The following RBFOX1 variants were observed in gnomAD, a reference collection of about 807,000 sequenced individuals.
RBFOX1 encodes RNA binding protein fox-1 homolog 1.
RBFOX1 carries 8 observed loss-of-function variants against 57.7 expected under a neutral mutation model. The observed-to-expected ratio is 0.14, with a 90% CI of 0.08 to 0.25. The LOEUF (loss-of-function observed/expected upper bound fraction) is 0.25. Ranked by LOEUF, RBFOX1 falls within the 10% of genes least tolerant of loss-of-function variation. RBFOX1 has a pLI of 1.00. For missense variants in RBFOX1, 611 were observed against 548.5 expected (o/e 1.11, Z -1.14); for synonymous variants, 326 against 222.4 (o/e 1.47, Z -4.15).
chr16:6,945,491 G>A (rs2079325457), intron 3 of RBFOX1, among the ~76,000 whole-genome samples: 1 of 151,856 alleles, frequency 6.6e-6, no homozygotes, highest in Non-Finnish European at 1.5e-5. Context: ...TGTAAAATGG[G>A]AAATCTAATT....
Position 7,173,021 on chromosome 16 carries a change from C to T in RBFOX1, c.27+120923C>T, listed in dbSNP as rs184743135. The stretch of plus-strand genomic sequence containing the variant: ...GAAAAACTACCACGTGTGTATTTTC[C>T]CTAGAATTTCCTGGTAGAAATAAGA... On this transcript the variant is annotated intron_variant, in intron 4 of 15. Coordinates refer to ENST00000550418, the MANE Select transcript of RBFOX1 (RefSeq NM_018723.4). 3.1e-4 allele frequency among the ~76,000 whole-genome samples: 47 copies of T among 152,128 alleles called. 1 individual carries two copies. Among genetic ancestry groups the T allele is most frequent in the African/African-American group, 1.1e-3 (47 of 41,482 alleles).
At chr16:6,158,338 G>A (rs1314008483) in intron 1 of RBFOX1, among the ~76,000 whole-genome samples, 2 of 152,184 alleles carry the variant, frequency 1.3e-5, no homozygotes, top group African/African-American at 4.8e-5. Flanking sequence ...AGGCTGTTTT[G>A]TTCTGTGTCA....
At chr16:7,601,869 T>C (rs1402116199) in intron 9 of RBFOX1, among the ~76,000 whole-genome samples, 1 of 152,128 alleles carries the variant, frequency 6.6e-6, no homozygotes, top group Non-Finnish European at 1.5e-5. Flanking sequence ...TGGCAATAAA[T>C]ACACGCCGTT....
intron 2 of RBFOX1, among the ~76,000 whole-genome samples, chr16:6,405,399 G>A (rs1257322115): frequency 6.6e-6 from 1 of 152,158 alleles, no homozygotes; most frequent in Non-Finnish European, 1.5e-5. Context: ...TGGGCATTGG[G>A]AAGTGCACCA....
At chr16:6,925,772 G>A (rs1474209766) in intron 3 of RBFOX1, among the ~76,000 whole-genome samples, 3 of 151,892 alleles carry the variant, frequency 2.0e-5, no homozygotes, top group Non-Finnish European at 4.4e-5. Flanking sequence ...AATCCCCCAG[G>A]TAGGGATGAT....
intron 4 of RBFOX1, among the ~76,000 whole-genome samples, chr16:7,061,711 C>G (rs934187386): frequency 3.3e-5 from 5 of 152,158 alleles, no homozygotes; most frequent in African/African-American, 4.8e-5. Context: ...ATCATTAAAT[C>G]TGTATCAAAC....
At chr16:7,354,399 C>T (rs1173268582) in intron 4 of RBFOX1, among the ~76,000 whole-genome samples, 1 of 152,162 alleles carries the variant, frequency 6.6e-6, no homozygotes, top group African/African-American at 2.4e-5. Context: ...TTGCTGTATT[C>T]AAGGCCTGTT....
intron 4 of RBFOX1, among the ~76,000 whole-genome samples, chr16:7,186,054 A>G (rs896904237): frequency 6.6e-6 from 1 of 152,150 alleles, no homozygotes; most frequent in Non-Finnish European, 1.5e-5. Context: ...CCTGGGAAAC[A>G]TGAATGCTAC....
At chr16:5,246,222 G>A (rs1460282674) in intron 1 of RBFOX1, among the ~76,000 whole-genome samples, 3 of 152,102 alleles carry the variant, frequency 2.0e-5, no homozygotes, top group Non-Finnish European at 2.9e-5. Context: ...AGCCAGCCTG[G>A]GTGACAGAGC....
intron 1 of RBFOX1, among the ~76,000 whole-genome samples, chr16:5,415,657 C>G (rs1221019825): frequency 6.6e-6 from 1 of 152,214 alleles, no homozygotes; most frequent in Non-Finnish European, 1.5e-5. Context: ...TTTATTTTTA[C>G]TTGAAATGAT....
intron 1 of RBFOX1, among the ~76,000 whole-genome samples, chr16:6,120,782 T>C (rs936431280): frequency 3.3e-5 from 5 of 152,198 alleles, no homozygotes; most frequent in African/African-American, 1.2e-4. Flanking sequence ...GTTTCTCCTC[T>C]TTGTAAGACG....
At chr16:7,364,514 T>C (rs1340789655) in intron 4 of RBFOX1, among the ~76,000 whole-genome samples, 1 of 151,538 alleles carries the variant, frequency 6.6e-6, no homozygotes, top group East Asian at 1.9e-4. Flanking sequence ...TTGGACTATC[T>C]TTGGCAAGGG....
At chr16:6,911,302 C>T (rs555734471) in intron 3 of RBFOX1, among the ~76,000 whole-genome samples, 2 of 151,900 alleles carry the variant, frequency 1.3e-5, no homozygotes, top group Admixed American at 6.5e-5. Context: ...GAGGCTTCGG[C>T]AACAGAAATG....
chr16:6,448,565 C>T (rs2094533010), intron 2 of RBFOX1, among the ~76,000 whole-genome samples: 1 of 152,116 alleles, frequency 6.6e-6, no homozygotes, highest in South Asian at 2.1e-4. Context: ...CTAGACTTTA[C>T]CTGCCCATAG....
intron 4 of RBFOX1, among the ~76,000 whole-genome samples, chr16:7,429,396 C>G (rs1568858489): frequency 2.6e-5 from 4 of 152,354 alleles, no homozygotes; most frequent in Non-Finnish European, 4.4e-5. Context: ...CTCTGAGAAG[C>G]CTTCCCTGGC....
chr16:6,009,375 C>T (rs1264214409), intron 4 of RBFOX1, among the ~76,000 whole-genome samples: 4 of 152,158 alleles, frequency 2.6e-5, no homozygotes, highest in Admixed American at 2.0e-4. Flanking sequence ...GGCTTGACTG[C>T]CTCCAGTTGC....
At chr16:6,889,859 G>C (rs1404769942) in intron 3 of RBFOX1, among the ~76,000 whole-genome samples, 1 of 152,196 alleles carries the variant, frequency 6.6e-6, no homozygotes, top group Non-Finnish European at 1.5e-5. Context: ...TTGAATCATA[G>C]GGTGGAGAAA....
intron 3 of RBFOX1, among the ~76,000 whole-genome samples, chr16:6,769,971 G>T (rs997480169): frequency 6.6e-6 from 1 of 152,118 alleles, no homozygotes; most frequent in Non-Finnish European, 1.5e-5. Context: ...ATGCCTGCAG[G>T]CTACAGGTCC....
At chr16:7,441,050 GA>G (rs35919593) in intron 4 of RBFOX1, among the ~76,000 whole-genome samples, 34,610 of 147,832 alleles carry the variant, frequency 0.23, 5,596 homozygotes, top group East Asian at 0.5. Context: ...AAAAACCAAA[GA>G]AAAAAAAAAG....
Sources: gnomAD v4.1 joint callset for allele counts (sites outside exome capture counted in the v4.1 genomes callset) on GRCh38, gnomAD v4.1.1 for gene constraint, MANE v1.5 for transcripts, NCBI Gene and HGNC (gene_info 2026-07-23, HGNC 2026-07-21) for gene names.